ENOX1: variants seen among roughly 807,000 people sequenced by gnomAD.
ENOX1 encodes ecto-NOX disulfide-thiol exchanger 1.
A neutral mutation model predicts 82.5 loss-of-function variants in ENOX1; 42 were observed. The ratio of observed to expected loss-of-function variants is 0.51; its 90% CI spans 0.40 to 0.66. The LOEUF (loss-of-function observed/expected upper bound fraction) is 0.66, where lower values mean the gene tolerates loss of function less well. Ranked by LOEUF, ENOX1 falls within the 30% of genes least tolerant of loss-of-function variation. The pLI is 0.00. For missense variants in ENOX1, 608 were observed against 811.6 expected, an observed-to-expected ratio of 0.75 and a Z score of 3.05; for synonymous variants, 271 against 282.2, an observed-to-expected ratio of 0.96 and a Z score of 0.40.
Position 43,416,130 on chromosome 13 carries a change from T to C in ENOX1, c.-74-3142A>G, listed in dbSNP as rs112108255. On this transcript the variant is annotated intron_variant, in intron 3 of 16. Coordinates refer to ENST00000690772, the MANE Select transcript of ENOX1 (RefSeq NM_001347969.2). ...GATGCTCCCCACTTCCCAGACGGGG[T>C]GGCCAGGCAGAGGCGCTCCTCAGTT... Among the ~76,000 whole-genome samples the C allele has an allele frequency of 7.6e-3, 402 of 52,906 alleles. 7 individuals carry two copies. The Middle Eastern group carries it at 0.097, about 13-fold the overall frequency. 34.7% of individuals were successfully genotyped at this position (52,906 alleles called of 152,430 possible).
At chr13:43,710,974 G>GT (rs1386537378) in intron 1 of ENOX1, among the ~76,000 whole-genome samples, 3 of 151,588 alleles carry the variant, frequency 2.0e-5, no homozygotes, top group Non-Finnish European at 4.4e-5. Context: ...GTGCAGGTTT[G>GT]TTACATATGT....
At chr13:43,387,230 A>G (rs1433649503) in intron 5 of ENOX1, among the ~76,000 whole-genome samples, 2 of 152,206 alleles carry the variant, frequency 1.3e-5, no homozygotes, top group Non-Finnish European at 2.9e-5. Flanking sequence ...AGTGCCATTT[A>G]CAGGGATGTA....
intron 1 of ENOX1, among the ~76,000 whole-genome samples, chr13:43,678,977 T>C (rs139586811): frequency 6.6e-6 from 1 of 152,302 alleles, no homozygotes; most frequent in East Asian, 1.9e-4. Flanking sequence ...TAGGTTGTTA[T>C]GCATAGCAGG....
At chr13:43,460,832 A>AAAAAAAAAG (rs2057450870) in intron 3 of ENOX1, among the ~76,000 whole-genome samples, 1 of 19,748 alleles carries the variant, frequency 5.1e-5, no homozygotes, top group African/African-American at 1.8e-4. Flanking sequence ...AAAAAAAAAT[A>AAAAAAAAAG]GGGATAGCTC....
At chr13:43,246,034 G>A (rs2043065889) in intron 14 of ENOX1, among the ~76,000 whole-genome samples, 1 of 152,128 alleles carries the variant, frequency 6.6e-6, no homozygotes, top group South Asian at 2.1e-4. Flanking sequence ...TCCAGATACA[G>A]CATTTATCCT....
At chr13:43,440,625 T>C (rs970933512) in intron 3 of ENOX1, among the ~76,000 whole-genome samples, 4 of 152,036 alleles carry the variant, frequency 2.6e-5, no homozygotes, top group African/African-American at 9.6e-5. Context: ...ATAAAAACTG[T>C]ACTTTACCAA....
chr13:43,311,188 G>A (rs73465489), intron 11 of ENOX1, among the ~76,000 whole-genome samples: 231 of 151,922 alleles, frequency 1.5e-3, no homozygotes, highest in African/African-American at 5.2e-3. Flanking sequence ...TCAAAGAGTC[G>A]AGTGGACGTG....
intron 11 of ENOX1, among the ~76,000 whole-genome samples, chr13:43,321,426 C>T (rs2047800755): frequency 6.6e-6 from 1 of 152,234 alleles, no homozygotes; most frequent in Non-Finnish European, 1.5e-5. Flanking sequence ...CCATCACTCG[C>T]ACCCCTACAT....
chr13:43,577,195 G>A (rs1455956936), intron 2 of ENOX1, among the ~76,000 whole-genome samples: 3 of 151,836 alleles, frequency 2.0e-5, no homozygotes, highest in African/African-American at 4.8e-5. Flanking sequence ...GCAATGGTGC[G>A]ATGTCGGCTC....
intron 11 of ENOX1, among the ~76,000 whole-genome samples, chr13:43,302,167 G>A (rs1456051455): frequency 6.7e-6 from 1 of 150,354 alleles, no homozygotes; most frequent in East Asian, 1.9e-4. Flanking sequence ...GGAGTGCACC[G>A]AGTGCCAATA....
intron 2 of ENOX1, among the ~76,000 whole-genome samples, chr13:43,567,171 T>C (rs976946140): frequency 2.0e-5 from 3 of 152,148 alleles, no homozygotes; most frequent in East Asian, 1.9e-4. Context: ...TAAAACCTGA[T>C]AGCATAATTA....
intron 1 of ENOX1, among the ~76,000 whole-genome samples, chr13:43,735,905 G>T (rs1318303572): frequency 6.6e-6 from 1 of 152,176 alleles, no homozygotes; most frequent in Admixed American, 6.5e-5. Context: ...CCATAGCACA[G>T]ACAATGACAG....
intron 5 of ENOX1, among the ~76,000 whole-genome samples, chr13:43,398,745 T>C (rs2153587609): frequency 6.6e-6 from 1 of 151,736 alleles, no homozygotes; most frequent in Admixed American, 6.6e-5. Context: ...GAGACCTTTA[T>C]GATGATCCAC....
At position 43,541,117 on chromosome 13, in the gene ENOX1, A is replaced by G. The variant is rs139910606; in HGVS notation, c.-218-56965T>C. Reference sequence around the variant, plus strand: ...TTCTTTAATATTTACAAATATCACAAGCTTATGAAAACCTCTCATAGTTCC... The same window carrying G: ...TTCTTTAATATTTACAAATATCACAGGCTTATGAAAACCTCTCATAGTTCC... On this transcript the variant is annotated intron_variant, in intron 2 of 16. Transcript: ENST00000690772. Among the ~76,000 whole-genome samples, 556 of 148,252 alleles carry G rather than the reference A, an allele frequency of 3.8e-3. 3 individuals carry two copies. Among genetic ancestry groups the G allele is most frequent in the African/African-American group, 0.013 (509 of 40,504 alleles).
chr13:43,682,551 A>C (rs977537063), intron 1 of ENOX1, among the ~76,000 whole-genome samples: 10 of 152,138 alleles, frequency 6.6e-5, no homozygotes, highest in Admixed American at 5.2e-4. Context: ...GGGTGGTGGC[A>C]GTTGTAGTTA....
At chr13:43,264,908 G>C (rs1450150011) in intron 14 of ENOX1, among the ~76,000 whole-genome samples, 1 of 152,196 alleles carries the variant, frequency 6.6e-6, no homozygotes, top group African/African-American at 2.4e-5. Flanking sequence ...CAAGAAGATG[G>C]ATGCACTGTG....
intron 9 of ENOX1, among the ~76,000 whole-genome samples, chr13:43,337,944 C>G (rs547635058): frequency 2.0e-5 from 3 of 152,272 alleles, no homozygotes; most frequent in Admixed American, 6.5e-5. Flanking sequence ...ATAATTTCTG[C>G]TTTTTATCCA....
At chr13:43,564,108 C>CA in intron 2 of ENOX1, among the ~76,000 whole-genome samples, 1 of 151,970 alleles carries the variant, frequency 6.6e-6, no homozygotes, top group Non-Finnish European at 1.5e-5. Flanking sequence ...AATATTGATG[C>CA]AAAAACCCTT....
At chr13:43,316,814 C>T (rs900886599) in intron 11 of ENOX1, among the ~76,000 whole-genome samples, 1 of 151,872 alleles carries the variant, frequency 6.6e-6, no homozygotes, top group Non-Finnish European at 1.5e-5. Context: ...GCCTTGGCTC[C>T]TTTGCAAATG....
Sources: gnomAD v4.1 joint callset for allele counts (sites outside exome capture counted in the v4.1 genomes callset) on GRCh38, gnomAD v4.1.1 for gene constraint, MANE v1.5 for transcripts, NCBI Gene and HGNC (gene_info 2026-07-23, HGNC 2026-07-21) for gene names.